Variants in TAF4 observed in about 807,000 individuals in gnomAD.
TAF4 encodes transcription initiation factor TFIID subunit 4.
In TAF4, 9 loss-of-function variants were observed where a neutral mutation model predicts 90.3. The observed-to-expected ratio is 0.10, with a 90% confidence interval of 0.06 to 0.17. The LOEUF (loss-of-function observed/expected upper bound fraction) is 0.17. Among genes scored for constraint, TAF4 ranks in the 10% least tolerant of loss-of-function variants. The pLI, the probability that TAF4 is intolerant of heterozygous loss-of-function variation, is 1.00. For missense variants in TAF4, 1,351 were observed against 1,370.7 expected (o/e 0.99, Z 0.23); for synonymous variants, 818 against 638.9 (o/e 1.28, Z -4.23).
At position 62,064,389 on chromosome 20, in the gene TAF4, T is replaced by C. The variant is rs556411194; in HGVS notation, c.1360+62A>G. On this transcript the variant is annotated intron_variant, in intron 1 of 14. Coordinates refer to ENST00000252996, the MANE Select transcript of TAF4 (RefSeq NM_003185.4). ...AGCATTCCACCAGCGGAGAACTTCCTGGAACTGGCAGCTGGCGCTGCTGGG... is the reference window on the plus strand; with the variant it reads ...AGCATTCCACCAGCGGAGAACTTCCCGGAACTGGCAGCTGGCGCTGCTGGG... The C allele has an allele frequency of 3.9e-6, 5 of 1,277,366 alleles. No individual in the cohort carries two copies. In the South Asian group the frequency reaches 7.6e-5, roughly 19 times the overall value. 79.1% of individuals were successfully genotyped at this position (1,277,366 alleles called of 1,614,324 possible).
rs1355903628 is a variant in TAF4 at position 62,014,451 on chromosome 20, A to G, written c.1521+96T>C. On this transcript the variant is annotated intron_variant, in intron 2 of 14. Transcript: ENST00000252996. ...CCCACACTTCCCAGTCCTCACTCCC[A>G]TGGCTGTGCCTGGCCCTTGCAGGTT... The G allele has an allele frequency of 5.6e-6, 8 of 1,424,088 alleles. No individual in the cohort carries two copies. In the East Asian group the frequency reaches 1.8e-4, roughly 32 times the overall value. 88.2% of individuals were successfully genotyped at this position (1,424,088 alleles called of 1,614,324 possible). A position where few individuals can be genotyped will look rare whatever the true frequency, so the allele number is the denominator to read the frequency against.
intron 7 of TAF4, among the ~76,000 whole-genome samples, chr20:62,004,144 A>C (rs2055727457): frequency 6.6e-6 from 1 of 152,124 alleles, no homozygotes; most frequent in Admixed American, 6.5e-5. Context: ...GCTGCCTAGA[A>C]GCTGCCCCTG....
intron 2 of TAF4, among the ~76,000 whole-genome samples, chr20:62,013,785 G>C (rs1035549851): frequency 6.6e-6 from 1 of 152,242 alleles, no homozygotes; most frequent in Non-Finnish European, 1.5e-5. Flanking sequence ...TGACAGTCAT[G>C]GGGCCAGACA....
chr20:62,009,919 C>G, intron 4 of TAF4, 127 bp downstream of exon 4: 1 of 1,472,058 alleles, frequency 6.8e-7, no homozygotes, highest in Non-Finnish European at 9.2e-7. Flanking sequence ...CCAGACTGTT[C>G]ACTGCTTTGT....
At position 61,976,139 on chromosome 20, in the gene TAF4, T is replaced by C. The variant is rs966720450; in HGVS notation, c.*29A>G. The C allele has an allele frequency of 3.1e-6, 5 of 1,609,238 alleles. No homozygotes were observed. The highest frequency in any genetic ancestry group is 2.2e-5 in the East Asian group (1 of 44,772). On this transcript the variant is annotated 3_prime_UTR_variant, in exon 15 of 15. Transcript: ENST00000252996. ...TACAAAAAGGCGTAATCTGCAAATATATAAAAAGTCCCCAGGCGTCCTCCT... is the reference window on the plus strand; with the variant it reads ...TACAAAAAGGCGTAATCTGCAAATACATAAAAAGTCCCCAGGCGTCCTCCT...
rs900204090 is a variant in TAF4, at chr20:62,026,919, C to A, written c.1361-12212G>T. 2.0e-5 allele frequency among the ~76,000 whole-genome samples: 3 copies of A among 152,208 alleles called. 1 individual carries two copies. The highest frequency in any genetic ancestry group is 2.0e-4 in the Admixed American group (3 of 15,278). On this transcript the variant is annotated intron_variant, in intron 1 of 14. Transcript: ENST00000252996. ...AATTTCACAAATACGCAGTTGCTCA[C>A]CTTAGAGCAAAGTTAAAACACCAAC...
chr20:61,997,565 C>A lies in TAF4; in HGVS notation c.3075G>T (p.Pro1025=). 6.3e-7 allele frequency: 1 copy of A among 1,597,542 alleles called. No individual in the cohort carries two copies. The highest frequency in any genetic ancestry group is 8.5e-7 in the Non-Finnish European group (1 of 1,172,978). ...ACTGCCGTACCTCTGCTCCTGAGCC[C>A]GGCCCCGGACAGTCCACTTTCCTCT... ...RKKRKVDCPG[P]GSGAEGSGPG... Residue 1025 remains proline, a synonymous_variant, in exon 14 of 15, where the codon CCG becomes CCT. Coordinates refer to ENST00000252996, the MANE Select transcript of TAF4 (RefSeq NM_003185.4).
intron 9 of TAF4, among the ~76,000 whole-genome samples, chr20:62,001,097 G>T (rs2055698197): frequency 6.6e-6 from 1 of 152,214 alleles, no homozygotes; most frequent in East Asian, 1.9e-4. Context: ...CTCAGAAGTT[G>T]GAAGAAGAGT....
Position 62,065,488 on chromosome 20 carries a change from G to T in TAF4, c.323C>A (p.Pro108His). The T allele has an allele frequency of 7.2e-6, 7 of 971,238 alleles. No individual in the cohort carries two copies. The highest frequency in any genetic ancestry group is 8.5e-6 in the Non-Finnish European group (7 of 820,286). The allele number at this position is 971,238 out of a possible 1,614,324, so 60.2% of individuals were successfully genotyped here. ...GGGGPQRPGP[P>H]SPRRPLVPAG... ...GGGGACAAGGGGGCGGCGCGGTGAG[G>T]GGGGGCCCGGGCGCTGCGGCCCCCC... Residue 108 changes from proline (P) to histidine (H), a missense_variant, in exon 1 of 15, where the codon CCC becomes CAC. Physicochemically the swap from Pro to His is moderately conservative, Grantham distance 77. This residue lies in a region of TAF4 where 782 missense variants were observed against 536.6 expected (regional missense o/e 1.46). Transcript: ENST00000252996.
chr20:62,045,084 C>G (rs1207297025), intron 1 of TAF4, among the ~76,000 whole-genome samples: 2 of 152,252 alleles, frequency 1.3e-5, no homozygotes, highest in African/African-American at 2.4e-5. Flanking sequence ...ACTCACAACG[C>G]CGACATGAAA....
chr20:62,014,027 T>TGTGTGGGTGTGTGG (rs1568932195), intron 2 of TAF4, among the ~76,000 whole-genome samples: 6 of 91,036 alleles, frequency 6.6e-5, no homozygotes, highest in African/African-American at 2.8e-4. Flanking sequence ...TGGGTGTGTG[T>TGTGTGGGTGTGTGG]GTGTGTGTGT....
At chr20:62,007,276 C>T (rs1302248244) in intron 6 of TAF4, among the ~76,000 whole-genome samples, 1 of 152,228 alleles carries the variant, frequency 6.6e-6, no homozygotes, top group East Asian at 1.9e-4. Context: ...CCCCATTCCC[C>T]GTCCCCTTCA....
intron 1 of TAF4, among the ~76,000 whole-genome samples, chr20:62,016,432 A>G (rs1033668573): frequency 3.3e-4 from 50 of 152,238 alleles, no homozygotes; most frequent in African/African-American, 9.4e-4. Flanking sequence ...CAGGCAGAGG[A>G]ACGTGGAAGG....
At chr20:62,054,365 G>C (rs1304451285) in intron 1 of TAF4, among the ~76,000 whole-genome samples, 1 of 152,126 alleles carries the variant, frequency 6.6e-6, no homozygotes, top group Non-Finnish European at 1.5e-5. Flanking sequence ...GAGATCTACA[G>C]ATCTGTGAAT....
rs1450244378 is a variant in TAF4 at position 62,065,262 on chromosome 20, GCCGGGGCCGGGGCCGGGGCCGGGC to G, written c.525_548del (p.Pro180_Gly187del). ...GGCCGGCGGGCTTGCCAGGGCCAGG[GCCGGGGCCGGGGCCGGGGCCGGGC>G]CCGGGGCCGGGGCCGGCGCGGGCGG... On this transcript the variant is annotated inframe_deletion, in exon 1 of 15. Coordinates refer to ENST00000252996, the MANE Select transcript of TAF4 (RefSeq NM_003185.4). 5 of 917,496 alleles carry G rather than the reference GCCGGGGCCGGGGCCGGGGCCGGGC, an allele frequency of 5.4e-6. No homozygotes were observed. The African/African-American group carries it at 9.6e-5, about 18-fold the overall frequency. 56.8% of individuals were successfully genotyped at this position (917,496 alleles called of 1,614,324 possible).
intron 1 of TAF4, 101 bp from the exon 2 acceptor site, chr20:62,014,808 C>T (rs1223761551): frequency 2.4e-5 from 36 of 1,485,642 alleles, no homozygotes; most frequent in Non-Finnish European, 3.3e-5. Context: ...GAGAAGGAAA[C>T]AAAGGAAATC....
At chr20:61,999,896 C>T (rs1347849454) in intron 11 of TAF4, among the ~76,000 whole-genome samples, 1 of 152,238 alleles carries the variant, frequency 6.6e-6, no homozygotes, top group Non-Finnish European at 1.5e-5. Flanking sequence ...CTGCAGTGAG[C>T]CAAGACTGCG....
At chr20:62,003,356 G>A (rs981300523) in intron 8 of TAF4, 82 bp from the exon 9 acceptor site, 3 of 1,131,502 alleles carry the variant, frequency 2.7e-6, no homozygotes, top group Non-Finnish European at 4.0e-6. Flanking sequence ...AGGCTCAAGG[G>A]CACAGCTACC....
chr20:62,013,411 G>A (rs890587312), intron 2 of TAF4, among the ~76,000 whole-genome samples: 3 of 152,260 alleles, frequency 2.0e-5, no homozygotes, highest in African/African-American at 7.2e-5. Flanking sequence ...TTGTCGGAGA[G>A]AGACTGACAT....
Sources: gnomAD v4.1 joint callset for allele counts (sites outside exome capture counted in the v4.1 genomes callset) on GRCh38, gnomAD v4.1.1 for gene constraint, gnomAD v4.1.1 regional missense constraint, MANE v1.5 for transcripts, NCBI Gene and HGNC (gene_info 2026-07-23, HGNC 2026-07-21) for gene names.